The following ZNF148 variants were observed in gnomAD, a reference collection of about 807,000 sequenced individuals.
The protein encoded by ZNF148 is Beta-Enolase Repressor Factor-1.
Under a neutral mutation model 67.7 loss-of-function variants are expected in ZNF148, and 7 were observed. That is an observed-to-expected ratio of 0.10 (90% CI 0.06 to 0.19). ZNF148 has a LOEUF of 0.19. Ranked by LOEUF, ZNF148 falls within the 10% of genes least tolerant of loss-of-function variation. ZNF148 has a pLI of 1.00. For missense variants in ZNF148, 583 were observed against 947.1 expected (o/e 0.62, Z 5.05); for synonymous variants, 333 against 330.7 (o/e 1.01, Z -0.08).
intron 7 of ZNF148, among the ~76,000 whole-genome samples, chr3:125,271,039 C>A (rs911588405): frequency 6.6e-6 from 1 of 152,028 alleles, no homozygotes; most frequent in Non-Finnish European, 1.5e-5. Flanking sequence ...AATATTTTAG[C>A]ATAAAAATAT....
At chr3:125,270,504 T>C (rs1022288614) in intron 7 of ZNF148, among the ~76,000 whole-genome samples, 1 of 152,212 alleles carries the variant, frequency 6.6e-6, no homozygotes, top group Non-Finnish European at 1.5e-5. Context: ...CAAAGCATTA[T>C]ATCTAGACCC....
chr3:125,276,033 T>C (rs184306314), intron 7 of ZNF148, among the ~76,000 whole-genome samples: 10 of 152,292 alleles, frequency 6.6e-5, no homozygotes, highest in Non-Finnish European at 1.3e-4. Flanking sequence ...TCCACGTCTG[T>C]TTTTCCACAA....
In ZNF148 at chr3:125,309,955, G is replaced by A. The variant is rs555760897; in HGVS notation, c.333+3353C>T. Among the ~76,000 whole-genome samples the A allele has an allele frequency of 1.2e-4, 18 of 152,196 alleles. No individual in the cohort carries two copies. The East Asian group carries it at 2.9e-3, about 24-fold the overall frequency. The stretch of plus-strand genomic sequence containing the variant: ...CTTAAGAGAATAGCAATCATATGGC[G>A]TCTGCTCTAAGACCACAACAGAATT... On this transcript the variant is annotated intron_variant, in intron 4 of 8. Transcript: ENST00000360647.
In ZNF148 at chr3:125,288,106, T is replaced by C. The variant is rs372197945; in HGVS notation, c.456A>G (p.Ala152=). 2 of 1,613,752 alleles carry C rather than the reference T, an allele frequency of 1.2e-6. No individual in the cohort carries two copies. The highest frequency in any genetic ancestry group is 2.2e-5 in the East Asian group (1 of 44,868). The change falls in exon 5 of 9, where the codon GCA becomes GCG. Residue 152 remains alanine, a synonymous_variant. Transcript: ENST00000360647. The stretch of plus-strand genomic sequence containing the variant: ...CCACCTTAATACATTGTCTTACTTT[T>C]GCGGGAGAACGTTGTTTCCGCTTCT... ...KKKKRKQRSP[A]KILTINEDGS... is the part of the protein sequence containing the mutation.
intron 7 of ZNF148, 125 bp downstream of exon 7, chr3:125,277,601 G>T: frequency 1.4e-6 from 1 of 715,156 alleles, no homozygotes; most frequent in Non-Finnish European, 2.2e-6. Context: ...GGAGAAAAAA[G>T]ATAACCTGTG....
intron 7 of ZNF148, among the ~76,000 whole-genome samples, chr3:125,270,641 C>A (rs764575906): frequency 6.6e-6 from 1 of 152,126 alleles, no homozygotes; most frequent in Non-Finnish European, 1.5e-5. Context: ...ACATTTTCTA[C>A]AGTTTTTGAA....
At chr3:125,366,414 T>G (rs1211113498) in intron 1 of ZNF148, among the ~76,000 whole-genome samples, 1 of 152,212 alleles carries the variant, frequency 6.6e-6, no homozygotes, top group Admixed American at 6.5e-5. Flanking sequence ...TCTCCTACCT[T>G]GTATTATACC....
chr3:125,306,731 G>C (rs1939898426), intron 4 of ZNF148, among the ~76,000 whole-genome samples: 2 of 152,002 alleles, frequency 1.3e-5, no homozygotes, highest in South Asian at 4.1e-4. Flanking sequence ...GTGATGACAT[G>C]TGTGTATAGT....
intron 7 of ZNF148, among the ~76,000 whole-genome samples, chr3:125,257,404 A>T (rs1937134361): frequency 6.6e-6 from 1 of 151,942 alleles, no homozygotes; most frequent in Non-Finnish European, 1.5e-5. Flanking sequence ...AAATACAAAA[A>T]AATTAGCTGG....
At chr3:125,247,805 A>G (rs1222224928) in intron 7 of ZNF148, among the ~76,000 whole-genome samples, 1 of 152,200 alleles carries the variant, frequency 6.6e-6, no homozygotes, top group Non-Finnish European at 1.5e-5. Context: ...GGAGCCATCA[A>G]TGAAAACTGA....
chr3:125,285,213 T>A (rs1380859591), intron 5 of ZNF148, among the ~76,000 whole-genome samples: 2 of 152,188 alleles, frequency 1.3e-5, no homozygotes, highest in African/African-American at 4.8e-5. Flanking sequence ...CTAGGCATAA[T>A]AAATCATAAT....
chr3:125,373,429 G>A (rs1265332585), intron 1 of ZNF148, among the ~76,000 whole-genome samples: 2 of 151,906 alleles, frequency 1.3e-5, no homozygotes, highest in African/African-American at 4.8e-5. Context: ...AATAATATCC[G>A]GGTAGTTTTT....
rs146625414 is a variant in ZNF148 at position 125,233,246 on chromosome 3, T to C, written c.1480A>G (p.Ile494Val). The change falls in exon 9 of 9, where the codon ATA becomes GTA. Residue 494 changes from isoleucine to valine, a missense_variant. Physicochemically the swap from Ile to Val is conservative, Grantham distance 29. Coordinates refer to ENST00000360647, the MANE Select transcript of ZNF148 (RefSeq NM_021964.3). This position sits in a 1 kb window ranked among gnomAD's most constrained non-coding sequence, Gnocchi z 5.1. ...TGTGTTACAGAAGGCTGAGAAGCTA[T>C]GGTACCCACATTCAGCGCATATTCC... ...SREYALNVGT[I>V]ASQPSVTQAA... is the part of the protein sequence containing the mutation. The C allele has an allele frequency of 6.2e-6, 10 of 1,613,788 alleles. No individual in the cohort carries two copies. The African/African-American group carries it at 1.1e-4, about 17-fold the overall frequency.
At chr3:125,282,034 A>G (rs546520290) in intron 5 of ZNF148, among the ~76,000 whole-genome samples, 114 of 152,296 alleles carry the variant, frequency 7.5e-4, no homozygotes, top group African/African-American at 2.5e-3. Flanking sequence ...CCTGCTGTCC[A>G]TAACAATTAC....
In ZNF148 at chr3:125,230,490, C is replaced by T. The variant is rs1428959655; in HGVS notation, c.*1851G>A. On this transcript the variant is annotated 3_prime_UTR_variant, in exon 9 of 9. Coordinates refer to ENST00000360647, the MANE Select transcript of ZNF148 (RefSeq NM_021964.3). ...TACTATTTCAAGCAAAACTTAATAACCAAAGTATACAGGAAACCACATTAA... is the reference window on the plus strand; with the variant it reads ...TACTATTTCAAGCAAAACTTAATAATCAAAGTATACAGGAAACCACATTAA... 1 of 152,526 alleles carries T rather than the reference C, an allele frequency of 6.6e-6. No individual in the cohort carries two copies. Among genetic ancestry groups the T allele is most frequent in the East Asian group, 1.9e-4 (1 of 5,190 alleles). The allele number at this position is 152,526 out of a possible 1,614,324, so 9.4% of individuals were successfully genotyped here.
chr3:125,367,938 T>C (rs1312420491), intron 1 of ZNF148, among the ~76,000 whole-genome samples: 2 of 151,900 alleles, frequency 1.3e-5, no homozygotes, highest in Non-Finnish European at 2.9e-5. Flanking sequence ...CCAGTAGGAG[T>C]AGCTAAAATG....
chr3:125,234,073 C>A, intron 8 of ZNF148, 134 bp from the exon 9 acceptor site: 1 of 1,283,530 alleles, frequency 7.8e-7, no homozygotes, highest in Non-Finnish European at 1.1e-6. Flanking sequence ...ATTCACTGAG[C>A]CAATTTTCTA....
At chr3:125,350,390 C>T (rs1188487579) in intron 1 of ZNF148, among the ~76,000 whole-genome samples, 1 of 152,170 alleles carries the variant, frequency 6.6e-6, no homozygotes, top group African/African-American at 2.4e-5. Context: ...GTCTCAAACT[C>T]CTGACCTCAA....
At chr3:125,337,293 C>CA (rs1304147041) in intron 1 of ZNF148, among the ~76,000 whole-genome samples, 2 of 152,072 alleles carry the variant, frequency 1.3e-5, no homozygotes, top group Non-Finnish European at 1.5e-5. Flanking sequence ...AACAATGCTA[C>CA]AAAAATAAGC....
Sources: allele counts gnomAD v4.1 joint callset (sites outside exome capture counted in the v4.1 genomes callset), GRCh38; gene constraint gnomAD v4.1.1; non-coding constraint Gnocchi (gnomAD v3.1); transcripts MANE v1.5; gene names NCBI Gene and HGNC (gene_info 2026-07-23, HGNC 2026-07-21).